Variants in CAMLG observed in about 807,000 individuals in gnomAD.
The protein encoded by CAMLG is guided entry of tail-anchored proteins factor CAMLG.
In CAMLG, 23 loss-of-function variants were observed where a neutral mutation model predicts 28.9. The observed-to-expected ratio is 0.80, with a 90% CI of 0.57 to 1.13. The LOEUF is 1.13. CAMLG is among the 50% of genes most tolerant of loss of function. CAMLG has a pLI of 0.00. For synonymous variants in CAMLG, 141 were observed against 146.5 expected, an observed-to-expected ratio of 0.96 and a Z score of 0.27; for missense variants, 367 against 371.9, an observed-to-expected ratio of 0.99 and a Z score of 0.11.
chr5:134,739,483 G>A (rs1337553280), intron 1 of CAMLG, among the ~76,000 whole-genome samples: 1 of 152,172 alleles, frequency 6.6e-6, no homozygotes, highest in Non-Finnish European at 1.5e-5. Flanking sequence ...ATTGATGTCT[G>A]GAGCTGCATT....
intron 1 of CAMLG, among the ~76,000 whole-genome samples, chr5:134,740,796 G>A (rs1752972833): frequency 6.6e-6 from 1 of 152,116 alleles, no homozygotes; most frequent in African/African-American, 2.4e-5. Flanking sequence ...TTTTAGTAGA[G>A]ACGGGGTTTC....
Position 134,741,145 on chromosome 5 carries a change from A to G in CAMLG, c.255A>G (p.Val85=). 5 of 1,614,122 alleles carry G rather than the reference A, an allele frequency of 3.1e-6. No individual in the cohort carries two copies. The highest frequency in any genetic ancestry group is 4.2e-6 in the Non-Finnish European group (5 of 1,179,918). ...GCGTTCCTTCCGTTTCAAAGCGAGT[A>G]GTGCTGGGTGATTCAGTCAGTACAG... ...SLSVPSVSKR[V]VLGDSVSTGT... Residue 85 remains valine, a synonymous_variant, in exon 2 of 4, where the codon GTA becomes GTG. Transcript: ENST00000297156.
chr5:134,750,277 C>G (rs1034357753), intron 3 of CAMLG, among the ~76,000 whole-genome samples: 20 of 152,126 alleles, frequency 1.3e-4, no homozygotes, highest in African/African-American at 4.8e-4. Context: ...CAGTGGCTCA[C>G]ACCTGTAATC....
intron 3 of CAMLG, among the ~76,000 whole-genome samples, chr5:134,747,142 A>G (rs1407878744): frequency 6.6e-6 from 1 of 152,138 alleles, no homozygotes; most frequent in Non-Finnish European, 1.5e-5. Context: ...CATTTATATA[A>G]TACCAACGAC....
At chr5:134,741,561 G>T (rs376540028) in intron 2 of CAMLG, 38 bp downstream of exon 2, 77 of 1,314,286 alleles carry the variant, frequency 5.9e-5, no homozygotes, top group Non-Finnish European at 8.0e-5. Flanking sequence ...TAACTTAATG[G>T]AAAATGCAAA....
chr5:134,744,770 T>C (rs1184239514), intron 3 of CAMLG, among the ~76,000 whole-genome samples: 1 of 152,232 alleles, frequency 6.6e-6, no homozygotes, highest in Non-Finnish European at 1.5e-5. Context: ...TATTGGACAC[T>C]TAATAGCAGT....
At chr5:134,740,964 G>A in intron 1 of CAMLG, 99 bp from the exon 2 acceptor site, 1 of 761,922 alleles carries the variant, frequency 1.3e-6, no homozygotes, top group Non-Finnish European at 2.1e-6. Context: ...TGCAGAGGCT[G>A]CTGAGTTCTA....
chr5:134,745,114 T>C (rs1458880677), intron 3 of CAMLG, among the ~76,000 whole-genome samples: 2 of 152,240 alleles, frequency 1.3e-5, no homozygotes, highest in East Asian at 3.8e-4. Flanking sequence ...GTAAATAACA[T>C]TGTAATTTTA....
At chr5:134,748,022 T>C (rs1448510756) in intron 3 of CAMLG, among the ~76,000 whole-genome samples, 1 of 151,550 alleles carries the variant, frequency 6.6e-6, no homozygotes, top group Non-Finnish European at 1.5e-5. Context: ...CCACCACACC[T>C]GGCTAATTTT....
At chr5:134,740,525 G>A (rs1752969399) in intron 1 of CAMLG, among the ~76,000 whole-genome samples, 1 of 152,060 alleles carries the variant, frequency 6.6e-6, no homozygotes, top group African/African-American at 2.4e-5. Context: ...CACAAAGTTT[G>A]GGTTATTTCC....
At position 134,750,975 on chromosome 5, in the gene CAMLG, GC is replaced by G; in HGVS notation, c.*26del. On this transcript the variant is annotated 3_prime_UTR_variant, in exon 4 of 4. Coordinates refer to ENST00000297156, the MANE Select transcript of CAMLG (RefSeq NM_001745.4). ...AAGCCTGTAGAACTGAGAAGGAGAA[GC>G]TTACAAAAAAAAAAAAATCCTCTTC... 6.6e-7 allele frequency: 1 copy of G among 1,523,430 alleles called. No individual in the cohort carries two copies. The highest frequency in any genetic ancestry group is 1.4e-5 in the African/African-American group (1 of 70,624). The allele number at this position is 1,523,430 out of a possible 1,614,324, so 94.4% of individuals were successfully genotyped here.
chr5:134,738,552 A>T lies in CAMLG; in HGVS notation c.-69A>T. Reference sequence around the variant, plus strand: ...ACGCGCGCCCTGCGGCCCGGCCTCTAGTCATCGCCCTCGCAGCGGCGGCCA... The same window carrying T: ...ACGCGCGCCCTGCGGCCCGGCCTCTTGTCATCGCCCTCGCAGCGGCGGCCA... On this transcript the variant is annotated 5_prime_UTR_variant, in exon 1 of 4. Coordinates refer to ENST00000297156, the MANE Select transcript of CAMLG (RefSeq NM_001745.4). 2 of 1,338,560 alleles carry T rather than the reference A, an allele frequency of 1.5e-6. No individual in the cohort carries two copies. The highest frequency in any genetic ancestry group is 2.0e-6 in the Non-Finnish European group (2 of 987,062). 82.9% of individuals were successfully genotyped at this position (1,338,560 alleles called of 1,614,324 possible). A position where few individuals can be genotyped will look rare whatever the true frequency, so the allele number is the denominator to read the frequency against.
In CAMLG at chr5:134,738,562, C is replaced by G. The variant is rs1439003210; in HGVS notation, c.-59C>G. On this transcript the variant is annotated 5_prime_UTR_variant, in exon 1 of 4. Coordinates refer to ENST00000297156, the MANE Select transcript of CAMLG (RefSeq NM_001745.4). The stretch of plus-strand genomic sequence containing the variant: ...TGCGGCCCGGCCTCTAGTCATCGCC[C>G]TCGCAGCGGCGGCCAACATCACCGC... 1.3e-5 allele frequency: 18 copies of G among 1,422,738 alleles called. No homozygotes were observed. Among genetic ancestry groups the G allele is most frequent in the Non-Finnish European group, 1.5e-5 (16 of 1,055,510 alleles). The allele number at this position is 1,422,738 out of a possible 1,614,324, so 88.1% of individuals were successfully genotyped here.
Position 134,751,136 on chromosome 5 carries a change from T to C in CAMLG, c.*186T>C, listed in dbSNP as rs1753110304. On this transcript the variant is annotated 3_prime_UTR_variant, in exon 4 of 4. Transcript: ENST00000297156. ...ATTTAAAAGGGCTGAGTTTGTATTA[T>C]TACTGATATGAAGAATAGAGTACCA... The C allele has an allele frequency of 1.3e-5, 7 of 521,006 alleles. No homozygotes were observed. The South Asian group carries it at 2.2e-4, about 16-fold the overall frequency. The allele number at this position is 521,006 out of a possible 1,614,324, so 32.3% of individuals were successfully genotyped here.
intron 3 of CAMLG, among the ~76,000 whole-genome samples, chr5:134,746,242 A>G (rs79890852): frequency 2.1e-4 from 32 of 151,932 alleles, no homozygotes; most frequent in African/African-American, 5.6e-4. Context: ...AGAAAAAAAA[A>G]CAAAATTCAG....
At chr5:134,748,735 C>A (rs1013314143) in intron 3 of CAMLG, among the ~76,000 whole-genome samples, 1 of 152,136 alleles carries the variant, frequency 6.6e-6, no homozygotes, top group East Asian at 1.9e-4. Flanking sequence ...GTCCCTATAC[C>A]CCAAAGAACT....
intron 3 of CAMLG, among the ~76,000 whole-genome samples, chr5:134,747,601 C>G (rs1195671512): frequency 6.6e-6 from 1 of 151,688 alleles, no homozygotes; most frequent in African/African-American, 2.4e-5. Context: ...CTGCCTCGGC[C>G]CCCCAAAGTG....
rs745435773 is a variant in CAMLG, at chr5:134,741,060, CAGA to C, written c.178_180del (p.Glu60del). 80 of 1,599,440 alleles carry C rather than the reference CAGA, an allele frequency of 5.0e-5. No individual in the cohort carries two copies. In the African/African-American group the frequency reaches 9.8e-4, roughly 20 times the overall value. On this transcript the variant is annotated splice_acceptor_variant and coding_sequence_variant, in exon 2 of 4. Transcript: ENST00000297156. LOFTEE classifies it high-confidence loss of function. ...CATAAGGCTTTTACATTTCTTTTCT[CAGA>C]AGAAGAAAGTCAAACAAAATCAAAG... is the stretch of plus-strand genomic sequence containing the variant.
In CAMLG at chr5:134,751,006, T is replaced by C. The variant is rs1753109004; in HGVS notation, c.*56T>C. The stretch of plus-strand genomic sequence containing the variant: ...AAAAAAAAAAAAATCCTCTTCTATA[T>C]TGCAGTGTCTCTAAAGGAGGCAAAT... On this transcript the variant is annotated 3_prime_UTR_variant, in exon 4 of 4. Coordinates refer to ENST00000297156, the MANE Select transcript of CAMLG (RefSeq NM_001745.4). 4.4e-6 allele frequency: 6 copies of C among 1,368,912 alleles called. No individual in the cohort carries two copies. The highest frequency in any genetic ancestry group is 6.1e-6 in the Non-Finnish European group (6 of 987,266). The allele number at this position is 1,368,912 out of a possible 1,614,324, so 84.8% of individuals were successfully genotyped here. A position where few individuals can be genotyped will look rare whatever the true frequency, so the allele number is the denominator to read the frequency against.
Sources: gnomAD v4.1 joint callset for allele counts (sites outside exome capture counted in the v4.1 genomes callset) on GRCh38, gnomAD v4.1.1 for gene constraint, MANE v1.5 for transcripts, NCBI Gene and HGNC (gene_info 2026-07-23, HGNC 2026-07-21) for gene names.